The following COL4A2 variants were observed in gnomAD, a reference collection of about 807,000 sequenced individuals.
The protein encoded by COL4A2 is collagen alpha-2(IV) chain.
A neutral mutation model predicts 200.2 loss-of-function variants in COL4A2; 99 were observed. The observed-to-expected ratio is 0.49, with a 90% CI of 0.42 to 0.58. The LOEUF is 0.58. Among genes scored for constraint, COL4A2 ranks in the 20% least tolerant of loss-of-function variants. The pLI is 0.00. For synonymous variants in COL4A2, 897 were observed against 900.6 expected (o/e 1.00, Z 0.07); for missense variants, 1,950 against 2,314.1 (o/e 0.84, Z 3.23).
intron 32 of COL4A2, among the ~76,000 whole-genome samples, chr13:110,483,504 G>A (rs146496630): frequency 3.0e-4 from 45 of 152,350 alleles, no homozygotes; most frequent in Non-Finnish European, 4.7e-4. Flanking sequence ...AAAATGCATC[G>A]ACTGATGAAT....
At chr13:110,332,691 A>T (rs1371641939) in intron 3 of COL4A2, among the ~76,000 whole-genome samples, 1 of 152,236 alleles carries the variant, frequency 6.6e-6, no homozygotes, top group Non-Finnish European at 1.5e-5. Flanking sequence ...TTAATAGAGG[A>T]ATCCCCTTCT....
chr13:110,316,839 C>T (rs1394415954), intron 3 of COL4A2, among the ~76,000 whole-genome samples: 3 of 151,904 alleles, frequency 2.0e-5, no homozygotes. Flanking sequence ...AAGCCCCAGC[C>T]ACAGAATATA....
intron 45 of COL4A2, among the ~76,000 whole-genome samples, chr13:110,504,527 C>T (rs1426837377): frequency 6.6e-6 from 1 of 152,188 alleles, no homozygotes; most frequent in Non-Finnish European, 1.5e-5. Context: ...CAGTAGACTT[C>T]AAGGGTCAGG....
At chr13:110,481,641 TC>T (rs1289494982) in intron 31 of COL4A2, among the ~76,000 whole-genome samples, 895 of 99,614 alleles carry the variant, frequency 9.0e-3, no homozygotes, top group Non-Finnish European at 0.013. Flanking sequence ...GACACACTGT[TC>T]TGTCCTTCCG....
chr13:110,368,935 G>A (rs193254545), intron 4 of COL4A2, among the ~76,000 whole-genome samples: 7 of 152,030 alleles, frequency 4.6e-5, no homozygotes, highest in Non-Finnish European at 1.0e-4. Context: ...TAGGCCAGGC[G>A]CGGTGGCTCG....
intron 16 of COL4A2, among the ~76,000 whole-genome samples, chr13:110,440,865 C>A (rs1283438178): frequency 6.6e-6 from 1 of 152,138 alleles, no homozygotes; most frequent in African/African-American, 2.4e-5. Flanking sequence ...AGACGTGTAG[C>A]TTCACATGCA....
chr13:110,425,611 G>A (rs912635861), intron 6 of COL4A2, among the ~76,000 whole-genome samples: 8 of 152,170 alleles, frequency 5.3e-5, no homozygotes, highest in Non-Finnish European at 7.4e-5. Flanking sequence ...CTGACCTCAG[G>A]GATCAATGTG....
chr13:110,508,831 A>T lies in COL4A2; in HGVS notation c.4881+610A>T, dbSNP rs1883976259. ...GAGAACCCTCAGCTTTGGCCAGATT[A>T]GGTTTAGCTTAACCTCCAGGGGAGA... is the stretch of plus-strand genomic sequence containing the variant. On this transcript the variant is annotated intron_variant, in intron 47 of 47. Transcript: ENST00000360467. The surrounding 1 kb of genome is among the most constrained non-coding windows in gnomAD (Gnocchi z 6.1). Among the ~76,000 whole-genome samples the T allele has an allele frequency of 2.0e-5, 3 of 152,164 alleles. No individual in the cohort carries two copies. The highest frequency in any genetic ancestry group is 2.0e-4 in the Admixed American group (3 of 15,276).
At chr13:110,376,069 A>C (rs1878225054) in intron 4 of COL4A2, among the ~76,000 whole-genome samples, 1 of 152,152 alleles carries the variant, frequency 6.6e-6, no homozygotes, top group Non-Finnish European at 1.5e-5. Flanking sequence ...CAGCTGAACA[A>C]AATTTTTGCT....
chr13:110,414,965 T>TAGC (rs564907499), intron 4 of COL4A2, among the ~76,000 whole-genome samples: 2 of 152,252 alleles, frequency 1.3e-5, no homozygotes, highest in Non-Finnish European at 2.9e-5. Context: ...TGTCTTTCTG[T>TAGC]AGCAGCAGCA....
At chr13:110,325,818 C>G (rs938096523) in intron 3 of COL4A2, among the ~76,000 whole-genome samples, 13 of 151,512 alleles carry the variant, frequency 8.6e-5, no homozygotes, top group African/African-American at 3.2e-4. Flanking sequence ...GAGTCTCACT[C>G]TGTCGCCCAG....
intron 40 of COL4A2, among the ~76,000 whole-genome samples, chr13:110,499,557 C>T (rs987093591): frequency 3.3e-5 from 5 of 152,228 alleles, no homozygotes; most frequent in Admixed American, 3.3e-4. Context: ...CAAACCGTAT[C>T]ACAGCTCACT....
intron 3 of COL4A2, among the ~76,000 whole-genome samples, chr13:110,317,163 C>T (rs1191898432): frequency 6.6e-6 from 1 of 150,796 alleles, no homozygotes; most frequent in Non-Finnish European, 1.5e-5. Flanking sequence ...CACAGATGCA[C>T]ACACACATGC....
intron 4 of COL4A2, among the ~76,000 whole-genome samples, chr13:110,406,918 A>C (rs1163512405): frequency 2.0e-5 from 3 of 152,168 alleles, no homozygotes; most frequent in African/African-American, 7.2e-5. Flanking sequence ...AGAGGACCAG[A>C]GTCTGCCTTG....
chr13:110,490,058 A>T (rs150107008), intron 36 of COL4A2, among the ~76,000 whole-genome samples: 1 of 152,236 alleles, frequency 6.6e-6, no homozygotes, highest in Non-Finnish European at 1.5e-5. Flanking sequence ...ACTGCAGTCC[A>T]TAAAGTGTAA....
intron 4 of COL4A2, among the ~76,000 whole-genome samples, chr13:110,412,992 G>A (rs754836919): frequency 4.6e-5 from 7 of 152,294 alleles, no homozygotes; most frequent in Admixed American, 6.5e-5. Context: ...ATTCCACTGG[G>A]CGGGCACAGG....
intron 39 of COL4A2, 133 bp downstream of exon 39, chr13:110,493,415 C>G: frequency 1.1e-6 from 1 of 895,562 alleles, no homozygotes; most frequent in Non-Finnish European, 1.7e-6. Context: ...AAGTGCTATG[C>G]GATCGGCCGT....
intron 3 of COL4A2, among the ~76,000 whole-genome samples, chr13:110,314,939 C>G (rs1303977101): frequency 6.6e-6 from 1 of 152,162 alleles, no homozygotes; most frequent in African/African-American, 2.4e-5. Context: ...CAGTGGGATT[C>G]AGAGTCCCAG....
chr13:110,450,496 C>G (rs1400429991), intron 20 of COL4A2, 42 bp downstream of exon 20: 1 of 1,604,454 alleles, frequency 6.2e-7, no homozygotes, highest in Admixed American at 1.7e-5. Context: ...GCCTAATGTT[C>G]AGATGAAGCC....
Sources: allele counts gnomAD v4.1 joint callset (sites outside exome capture counted in the v4.1 genomes callset), GRCh38; gene constraint gnomAD v4.1.1; non-coding constraint Gnocchi (gnomAD v3.1); transcripts MANE v1.5; gene names NCBI Gene and HGNC (gene_info 2026-07-23, HGNC 2026-07-21).